Variants in FRRS1 observed in about 807,000 individuals in gnomAD.
The protein encoded by FRRS1 is ferric reductase 1.
Under a neutral mutation model 70.7 loss-of-function variants are expected in FRRS1, and 51 were observed. That is an observed-to-expected ratio of 0.72 (90% CI 0.58 to 0.91). The LOEUF is 0.91. Ranked by LOEUF, FRRS1 falls within the 40% of genes least tolerant of loss-of-function variation. The pLI, the probability that FRRS1 is intolerant of heterozygous loss-of-function variation, is 0.00. For synonymous variants in FRRS1, 225 were observed against 238.7 expected (o/e 0.94, Z 0.53); for missense variants, 672 against 726.0 (o/e 0.93, Z 0.86).
Position 99,706,905 on chromosome 1 carries a change from A to G in FRRS1, c.*2123T>C, listed in dbSNP as rs889334276. Among the ~76,000 whole-genome samples, 1 of 150,362 alleles carries G rather than the reference A, an allele frequency of 6.7e-6. No individual in the cohort carries two copies. Among genetic ancestry groups the G allele is most frequent in the African/African-American group, 2.5e-5 (1 of 39,978 alleles). ...AGACTTTGTCACAAAAAAAAAAAAG[A>G]GAGAATTTTTCTTTGTCAGATGTAG... On this transcript the variant is annotated 3_prime_UTR_variant, in exon 17 of 17. Coordinates refer to ENST00000646001, the MANE Select transcript of FRRS1 (RefSeq NM_001361041.2).
chr1:99,741,473 T>C (rs999446632), intron 5 of FRRS1, among the ~76,000 whole-genome samples: 19 of 152,232 alleles, frequency 1.2e-4, no homozygotes, highest in Admixed American at 7.9e-4. Context: ...CATGTCAGGA[T>C]AGCAATCCTT....
intron 4 of FRRS1, among the ~76,000 whole-genome samples, chr1:99,744,585 A>G (rs1007470622): frequency 4.6e-5 from 7 of 151,978 alleles, no homozygotes; most frequent in African/African-American, 1.5e-4. Flanking sequence ...TCGGGTGTTC[A>G]AGACCAGCCT....
intron 12 of FRRS1, among the ~76,000 whole-genome samples, chr1:99,714,551 G>T (rs527417374): frequency 6.6e-6 from 1 of 152,210 alleles, no homozygotes; most frequent in Admixed American, 6.5e-5. Context: ...AAGGGTTGAA[G>T]TGGAGAGACC....
chr1:99,763,268 T>C (rs1411498824), intron 1 of FRRS1, among the ~76,000 whole-genome samples: 1 of 151,926 alleles, frequency 6.6e-6, no homozygotes, highest in Non-Finnish European at 1.5e-5. Flanking sequence ...TTCCCCTAAA[T>C]GGGACCCCCT....
At chr1:99,762,241 A>ACTGCT (rs1657140996) in intron 1 of FRRS1, among the ~76,000 whole-genome samples, 1 of 152,090 alleles carries the variant, frequency 6.6e-6, no homozygotes, top group South Asian at 2.1e-4. Context: ...TTTTGGGGGG[A>ACTGCT]CTGCTCTCTC....
chr1:99,734,959 G>A (rs1655574881), intron 7 of FRRS1, among the ~76,000 whole-genome samples: 1 of 152,146 alleles, frequency 6.6e-6, no homozygotes, highest in South Asian at 2.1e-4. Context: ...AGATGATACA[G>A]CGCAGTGGAA....
chr1:99,731,696 T>C (rs1330744987), intron 7 of FRRS1, among the ~76,000 whole-genome samples: 1 of 152,254 alleles, frequency 6.6e-6, no homozygotes, highest in Admixed American at 6.5e-5. Context: ...CATTTATTCA[T>C]GTACATATCA....
chr1:99,728,689 A>G (rs371044523), intron 8 of FRRS1, 49 bp from the exon 9 acceptor site: 326 of 1,548,432 alleles, frequency 2.1e-4, no homozygotes, highest in Non-Finnish European at 2.7e-4. Context: ...AAGATTTGCT[A>G]AAAATAAGAT....
At chr1:99,711,238 T>G (rs567777145) in intron 14 of FRRS1, 41 of 349,570 alleles carry the variant, frequency 1.2e-4, no homozygotes, top group African/African-American at 8.0e-4. Flanking sequence ...GTGGTGAACA[T>G]AGTACCCAAA....
intron 1 of FRRS1, among the ~76,000 whole-genome samples, chr1:99,752,833 G>C (rs1291007323): frequency 6.6e-6 from 1 of 152,186 alleles, no homozygotes; most frequent in Non-Finnish European, 1.5e-5. Flanking sequence ...AGCACATGCT[G>C]TTGGAAAAAT....
At chr1:99,757,687 T>C (rs977503390) in intron 1 of FRRS1, among the ~76,000 whole-genome samples, 2 of 152,220 alleles carry the variant, frequency 1.3e-5, no homozygotes, top group Admixed American at 1.3e-4. Flanking sequence ...CATTCTACAA[T>C]GTTTAAGGTA....
chr1:99,717,755 A>G (rs1198960815), intron 10 of FRRS1, among the ~76,000 whole-genome samples: 1 of 152,234 alleles, frequency 6.6e-6, no homozygotes, highest in Non-Finnish European at 1.5e-5. Context: ...TGCTTTACAT[A>G]TACTAATTTA....
chr1:99,738,520 G>A (rs991967243), intron 6 of FRRS1, among the ~76,000 whole-genome samples: 2 of 152,152 alleles, frequency 1.3e-5, no homozygotes, highest in African/African-American at 4.8e-5. Context: ...TTGTTGGGCT[G>A]TAATTGTGCA....
rs1451874917 is a variant in FRRS1, at chr1:99,707,873, G to A, written c.*1155C>T. 6.6e-6 allele frequency among the ~76,000 whole-genome samples: 1 copy of A among 152,136 alleles called. No individual in the cohort carries two copies. Among genetic ancestry groups the A allele is most frequent in the African/African-American group, 2.4e-5 (1 of 41,424 alleles). ...AAAAATGTCTAACAAAACAGAACCAGACACATTATATTATTTCTACAAGTA... is the reference window on the plus strand; with the variant it reads ...AAAAATGTCTAACAAAACAGAACCAAACACATTATATTATTTCTACAAGTA... On this transcript the variant is annotated 3_prime_UTR_variant, in exon 17 of 17. Coordinates refer to ENST00000646001, the MANE Select transcript of FRRS1 (RefSeq NM_001361041.2).
intron 1 of FRRS1, among the ~76,000 whole-genome samples, chr1:99,750,352 A>T (rs1309053295): frequency 2.0e-5 from 3 of 152,372 alleles, no homozygotes. Flanking sequence ...AGAACAAATT[A>T]CAAGGCATAC....
chr1:99,762,636 AT>A (rs1557711956), intron 1 of FRRS1, among the ~76,000 whole-genome samples: 3 of 152,272 alleles, frequency 2.0e-5, no homozygotes, highest in Non-Finnish European at 2.9e-5. Flanking sequence ...TTCTGTTTAG[AT>A]AACAAAAAAC....
At chr1:99,742,334 T>G (rs1476426060) in intron 4 of FRRS1, 61 bp from the exon 5 acceptor site, 4 of 1,009,460 alleles carry the variant, frequency 4.0e-6, no homozygotes, top group Non-Finnish European at 6.3e-6. Context: ...TGGCTGGAAC[T>G]TCTATCATTT....
intron 7 of FRRS1, among the ~76,000 whole-genome samples, chr1:99,730,672 C>A (rs1655321991): frequency 6.6e-6 from 1 of 152,066 alleles, no homozygotes; most frequent in Non-Finnish European, 1.5e-5. Flanking sequence ...TCCAGACCAT[C>A]CTGGCTAACA....
At chr1:99,728,391 C>A in intron 9 of FRRS1, 102 bp downstream of exon 9, 1 of 984,848 alleles carries the variant, frequency 1.0e-6, no homozygotes, top group Non-Finnish European at 1.5e-6. Flanking sequence ...AAAGCGTGTG[C>A]CTTAAAAACG....
Sources: gnomAD v4.1 joint callset for allele counts (sites outside exome capture counted in the v4.1 genomes callset) on GRCh38, gnomAD v4.1.1 for gene constraint, MANE v1.5 for transcripts, NCBI Gene and HGNC (gene_info 2026-07-23, HGNC 2026-07-21) for gene names.